Variants in SLIT3 observed in about 807,000 individuals in gnomAD.
SLIT3 encodes the protein slit guidance ligand 3.
In SLIT3, 68 loss-of-function variants were observed where a neutral mutation model predicts 184.0. The ratio of observed to expected loss-of-function variants is 0.37; its 90% CI spans 0.30 to 0.45. SLIT3 has a LOEUF of 0.45. SLIT3 is among the 20% of genes least tolerant of loss of function. The probability of loss-of-function intolerance (pLI) is 1.00; values close to 1 mark genes in which losing one functional copy is unlikely to be tolerated. For synonymous variants in SLIT3, 831 were observed against 828.6 expected, an observed-to-expected ratio of 1.00 and a Z score of -0.05; for missense variants, 1,707 against 2,026.0, an observed-to-expected ratio of 0.84 and a Z score of 3.02.
chr5:168,713,474 C>G (rs1487878881), intron 23 of SLIT3, among the ~76,000 whole-genome samples: 2 of 152,228 alleles, frequency 1.3e-5, no homozygotes, highest in African/African-American at 4.8e-5. Context: ...ATAAAAAAAT[C>G]TGCAAATTAA....
chr5:168,974,902 G>C (rs1463662115), intron 4 of SLIT3, among the ~76,000 whole-genome samples: 2 of 152,200 alleles, frequency 1.3e-5, no homozygotes, highest in East Asian at 3.8e-4. Context: ...CCCGGAGAAT[G>C]GGGAAAGGAC....
In SLIT3 at chr5:168,918,816, T is replaced by C. The variant is rs12173149; in HGVS notation, c.414-35480A>G. Among the ~76,000 whole-genome samples the C allele has an allele frequency of 9.4e-3, 1,430 of 152,328 alleles. 49 individuals are homozygous for C. The East Asian group carries it at 0.13, about 14-fold the overall frequency. ...CTCAAAGAACTCTGGATTTAATTTA[T>C]GTGTTTCACTTCTTCTTAAAAATTT... On this transcript the variant is annotated intron_variant, in intron 4 of 35. Transcript: ENST00000519560.
At chr5:169,148,976 A>G (rs139845263) in intron 4 of SLIT3, among the ~76,000 whole-genome samples, 105 of 152,324 alleles carry the variant, frequency 6.9e-4, no homozygotes, top group African/African-American at 2.5e-3. Context: ...GAAGTCCTTT[A>G]AAGCAGTATC....
intron 4 of SLIT3, among the ~76,000 whole-genome samples, chr5:169,069,967 C>T (rs1345817296): frequency 2.0e-5 from 3 of 152,102 alleles, no homozygotes; most frequent in Admixed American, 6.6e-5. Context: ...GGTTACTCCA[C>T]GTGCAGTGCA....
chr5:169,074,251 G>T (rs538426454), intron 4 of SLIT3, among the ~76,000 whole-genome samples: 57 of 152,114 alleles, frequency 3.7e-4, no homozygotes, highest in Non-Finnish European at 6.9e-4. Flanking sequence ...TGCTAGCTGG[G>T]TGGTCTCCAG....
intron 32 of SLIT3, among the ~76,000 whole-genome samples, chr5:168,682,507 T>C (rs1274917707): frequency 6.6e-6 from 1 of 152,186 alleles, no homozygotes; most frequent in African/African-American, 2.4e-5. Context: ...ATTTCTATCA[T>C]GTCTGTAGGT....
chr5:168,834,959 C>A (rs141927550), intron 6 of SLIT3, among the ~76,000 whole-genome samples: 3 of 152,018 alleles, frequency 2.0e-5, no homozygotes, highest in Non-Finnish European at 2.9e-5. Context: ...ATGAGCTACA[C>A]GTGGCAATTC....
intron 1 of SLIT3, among the ~76,000 whole-genome samples, chr5:169,298,177 C>T (rs967419112): frequency 5.3e-5 from 8 of 152,084 alleles, no homozygotes; most frequent in Non-Finnish European, 1.0e-4. Context: ...GATACCATCG[C>T]GGCACCCCCA....
At chr5:168,749,069 T>C (rs867669326) in intron 19 of SLIT3, among the ~76,000 whole-genome samples, 2 of 152,192 alleles carry the variant, frequency 1.3e-5, no homozygotes, top group Non-Finnish European at 2.9e-5. Context: ...AGGGCTCCCA[T>C]GTACAGTTGT....
rs148180470 is a variant in SLIT3, at chr5:169,290,623, G to A, written c.197+9890C>T. 4.4e-3 allele frequency among the ~76,000 whole-genome samples: 596 copies of A among 135,230 alleles called. 4 individuals are homozygous for A. Among genetic ancestry groups the A allele is most frequent in the Middle Eastern group, 0.024 (4 of 168 alleles). The allele number at this position is 135,230 out of a possible 152,430, so 88.7% of individuals were successfully genotyped here. ...TACACTAGGGCATATACTAGGGCAC[G>A]TGCGGGGCATATGCTAGGGCAAATG... On this transcript the variant is annotated intron_variant, in intron 1 of 35. Transcript: ENST00000519560.
chr5:169,235,966 A>C (rs887023152), intron 3 of SLIT3, among the ~76,000 whole-genome samples: 4 of 152,146 alleles, frequency 2.6e-5, no homozygotes, highest in African/African-American at 9.7e-5. Flanking sequence ...TTCCCTTTTC[A>C]CATAGAACTC....
chr5:169,084,181 TCA>T (rs1168079368), intron 4 of SLIT3, among the ~76,000 whole-genome samples: 2 of 152,026 alleles, frequency 1.3e-5, no homozygotes, highest in African/African-American at 4.8e-5. Flanking sequence ...CTAGGCTCCC[TCA>T]CACACACCTC....
chr5:168,800,679 G>A (rs1455065259), intron 9 of SLIT3, among the ~76,000 whole-genome samples: 1 of 152,296 alleles, frequency 6.6e-6, no homozygotes, highest in Non-Finnish European at 1.5e-5. Flanking sequence ...AGGAATGTAG[G>A]CATATCTGAG....
intron 16 of SLIT3, 83 bp downstream of exon 16, chr5:168,760,779 C>T (rs756788039): frequency 2.8e-4 from 277 of 1,004,414 alleles, no homozygotes; most frequent in Non-Finnish European, 4.1e-4. Flanking sequence ...GGGGGAGAGG[C>T]CGGTCCCCTG....
At chr5:168,812,706 G>A (rs1250817867) in intron 8 of SLIT3, among the ~76,000 whole-genome samples, 1 of 152,186 alleles carries the variant, frequency 6.6e-6, no homozygotes, top group African/African-American at 2.4e-5. Context: ...ATTATGATGA[G>A]AATATAAATG....
intron 4 of SLIT3, among the ~76,000 whole-genome samples, chr5:169,130,371 G>T (rs997315061): frequency 2.0e-5 from 3 of 152,212 alleles, no homozygotes; most frequent in African/African-American, 4.8e-5. Flanking sequence ...ACATCCTGGT[G>T]GAACTGTAGA....
rs1554146937 is a variant in SLIT3, at chr5:168,835,825, ATTTGTT to A, written c.557+8753_557+8758del. Among the ~76,000 whole-genome samples the A allele has an allele frequency of 1.8e-3, 267 of 150,114 alleles. 1 individual carries two copies. Among genetic ancestry groups the A allele is most frequent in the Non-Finnish European group, 2.9e-3 (199 of 67,726 alleles). On this transcript the variant is annotated intron_variant, in intron 6 of 35. Coordinates refer to ENST00000519560, the MANE Select transcript of SLIT3 (RefSeq NM_003062.4). ...GACTCCATCTCAAAAAAAAAAAAAA[ATTTGTT>A]TTTGTTTTTGTTTTAGTTTGTGTAG...
chr5:169,238,543 C>CT (rs71698425), intron 3 of SLIT3, among the ~76,000 whole-genome samples: 63,542 of 116,894 alleles, frequency 0.54, 18,050 homozygotes, highest in Non-Finnish European at 0.6. Context: ...AGTGAAATAG[C>CT]TTTTTTTTTT....
At chr5:168,789,919 T>C (rs766655463) in intron 10 of SLIT3, 92 of 357,180 alleles carry the variant, frequency 2.6e-4, no homozygotes, top group Non-Finnish European at 4.2e-4. Context: ...CATCACTTTG[T>C]AGGTGGAAAA....
Sources: allele counts gnomAD v4.1 joint callset (sites outside exome capture counted in the v4.1 genomes callset), GRCh38; gene constraint gnomAD v4.1.1; transcripts MANE v1.5; gene names NCBI Gene and HGNC (gene_info 2026-07-23, HGNC 2026-07-21).